MEGF11: variants seen among roughly 807,000 people sequenced by gnomAD.
MEGF11 encodes the protein multiple EGF like domains 11, also known as multiple epidermal growth factor-like domains protein 11.
MEGF11 carries 126 observed loss-of-function variants against 146.6 expected under a neutral mutation model. That is an observed-to-expected ratio of 0.86 (90% CI 0.74 to 1.00). The LOEUF (loss-of-function observed/expected upper bound fraction) is 1.00, where lower values mean the gene tolerates loss of function less well. Among genes scored for constraint, MEGF11 ranks in the 50% least tolerant of loss-of-function variants. The pLI is 0.00. For missense variants in MEGF11, 1,509 were observed against 1,521.2 expected (o/e 0.99, Z 0.13); for synonymous variants, 532 against 583.4 (o/e 0.91, Z 1.27).
At chr15:66,225,725 C>T (rs183999797) in intron 1 of MEGF11, among the ~76,000 whole-genome samples, 30 of 152,298 alleles carry the variant, frequency 2.0e-4, no homozygotes, top group Admixed American at 3.9e-4. Flanking sequence ...CACACACACA[C>T]GCACACTATC....
intron 1 of MEGF11, among the ~76,000 whole-genome samples, chr15:66,222,102 C>T (rs1366328042): frequency 1.3e-5 from 2 of 152,116 alleles, no homozygotes; most frequent in Non-Finnish European, 2.9e-5. Context: ...AGGACCCACC[C>T]GGTACCACAG....
intron 2 of MEGF11, among the ~76,000 whole-genome samples, chr15:66,127,616 G>A (rs532289217): frequency 7.2e-5 from 11 of 152,292 alleles, no homozygotes; most frequent in South Asian, 4.1e-4. Flanking sequence ...AATCAATTCC[G>A]GGGTTTAATT....
chr15:66,189,483 A>G (rs1270266347), intron 1 of MEGF11, among the ~76,000 whole-genome samples: 2 of 152,184 alleles, frequency 1.3e-5, no homozygotes, highest in African/African-American at 2.4e-5. Context: ...TTGAGGCCCA[A>G]GGTCACACAG....
At chr15:66,033,462 G>A (rs28858762) in intron 5 of MEGF11, among the ~76,000 whole-genome samples, 2,717 of 152,344 alleles carry the variant, frequency 0.018, 68 homozygotes, top group African/African-American at 0.059. Flanking sequence ...GCAGGCCCAG[G>A]TGCAGCTTTG....
chr15:66,054,847 C>CGAAGGAAAGAGAGGGAGGGATAGT (rs2084614462), intron 5 of MEGF11, among the ~76,000 whole-genome samples: 1 of 150,428 alleles, frequency 6.6e-6, no homozygotes, highest in Non-Finnish European at 1.5e-5. Flanking sequence ...AAGGTGGAAA[C>CGAAGGAAAGAGAGGGAGGGATAGT]GAAGGAAAGA....
chr15:66,017,270 T>A (rs1175416655), intron 5 of MEGF11, among the ~76,000 whole-genome samples: 3 of 152,182 alleles, frequency 2.0e-5, no homozygotes, highest in African/African-American at 7.2e-5. Context: ...CTCAGGGAAC[T>A]GCTGGTGCCC....
intron 1 of MEGF11, among the ~76,000 whole-genome samples, chr15:66,202,968 G>A (rs965312406): frequency 1.3e-5 from 2 of 152,144 alleles, no homozygotes. Flanking sequence ...GCTGTAAGAC[G>A]GGTGCTATTC....
chr15:66,134,708 AGC>A (rs2088811658), intron 1 of MEGF11, among the ~76,000 whole-genome samples: 2 of 152,252 alleles, frequency 1.3e-5, no homozygotes, highest in African/African-American at 4.8e-5. Context: ...ACAGGGGCCC[AGC>A]GGGGAGAAGG....
Position 65,904,447 on chromosome 15 carries a change from G to C in MEGF11, c.3055+1638C>G, listed in dbSNP as rs547183076. ...GGGGATGACCTTTTGTCCTCAGACAGTTCTCTTGGGCTGTGTATATCCTAA... is the reference window on the plus strand; with the variant it reads ...GGGGATGACCTTTTGTCCTCAGACACTTCTCTTGGGCTGTGTATATCCTAA... On this transcript the variant is annotated intron_variant, in intron 24 of 25. Coordinates refer to ENST00000395614, the MANE Select transcript of MEGF11 (RefSeq NM_001385028.1). Among the ~76,000 whole-genome samples, 5 of 152,334 alleles carry C rather than the reference G, an allele frequency of 3.3e-5. No individual in the cohort carries two copies. In the South Asian group the frequency reaches 1.0e-3, roughly 32 times the overall value.
chr15:65,916,284 A>G lies in MEGF11; in HGVS notation c.2216-8T>C, dbSNP rs1475216601. On this transcript the variant is annotated splice_polypyrimidine_tract_variant and splice_region_variant and intron_variant, in intron 17 of 25. Transcript: ENST00000395614. ...AAAATGCTGCTGGGCAGCCTAGAGA[A>G]ACAGGATTTCCAGTCACGAGAGTTG... 2 of 1,552,854 alleles carry G rather than the reference A, an allele frequency of 1.3e-6. No individual in the cohort carries two copies. Among genetic ancestry groups the G allele is most frequent in the Non-Finnish European group, 8.7e-7 (1 of 1,147,716 alleles).
chr15:66,196,300 C>T (rs1001651591), intron 1 of MEGF11, among the ~76,000 whole-genome samples: 2 of 152,082 alleles, frequency 1.3e-5, no homozygotes, highest in Admixed American at 6.5e-5. Context: ...GCAAAAACCC[C>T]GTCTTTACTA....
In MEGF11 at chr15:66,005,806, G is replaced by A. The variant is rs115342702; in HGVS notation, c.395-23318C>T. On this transcript the variant is annotated intron_variant, in intron 5 of 25. Transcript: ENST00000395614. ...ATGGTATAAAGTGCTAGCAGGCTGA[G>A]TGTCAGAACCCACACTCTAGCCCTG... Among the ~76,000 whole-genome samples the A allele has an allele frequency of 1.3e-3, 205 of 152,338 alleles. 3 individuals are homozygous for A. The highest frequency in any genetic ancestry group is 4.5e-3 in the African/African-American group (187 of 41,574).
At chr15:66,106,612 A>T (rs1036946459) in intron 4 of MEGF11, among the ~76,000 whole-genome samples, 11 of 152,322 alleles carry the variant, frequency 7.2e-5, no homozygotes, top group Non-Finnish European at 1.5e-4. Flanking sequence ...TCACACAGGC[A>T]GTAGGCAGCA....
chr15:66,191,237 G>T (rs1434139331), intron 1 of MEGF11, among the ~76,000 whole-genome samples: 1 of 152,200 alleles, frequency 6.6e-6, no homozygotes, highest in East Asian at 1.9e-4. Flanking sequence ...GGTGAAGTCT[G>T]AGCTCGGGCT....
At chr15:65,958,920 T>A (rs932281408) in intron 9 of MEGF11, among the ~76,000 whole-genome samples, 7 of 152,204 alleles carry the variant, frequency 4.6e-5, no homozygotes, top group African/African-American at 1.7e-4. Flanking sequence ...AGCCCAGCTC[T>A]GGGGATAAGG....
chr15:66,000,822 C>G (rs537888128), intron 5 of MEGF11, among the ~76,000 whole-genome samples: 7 of 152,174 alleles, frequency 4.6e-5, no homozygotes, highest in Non-Finnish European at 8.8e-5. Flanking sequence ...AGTGGAGAAG[C>G]GAAAGGCCCC....
At chr15:66,193,150 T>C (rs2090924577) in intron 1 of MEGF11, among the ~76,000 whole-genome samples, 1 of 152,252 alleles carries the variant, frequency 6.6e-6, no homozygotes, top group African/African-American at 2.4e-5. Context: ...TTTAACATTT[T>C]GTGAAGACTC....
chr15:65,968,287 C>G lies in MEGF11; in HGVS notation c.899+2266G>C, dbSNP rs9673046. 6.5e-3 allele frequency among the ~76,000 whole-genome samples: 996 copies of G among 152,298 alleles called. 11 individuals are homozygous for G. Among genetic ancestry groups the G allele is most frequent in the African/African-American group, 0.023 (942 of 41,574 alleles). On this transcript the variant is annotated intron_variant, in intron 8 of 25. Transcript: ENST00000395614. ...ATCTGAGTTGCCAGCCCCTGTTCAGCCTGCAAATGGATTTCTCCAGAAGTC... is the reference window on the plus strand; with the variant it reads ...ATCTGAGTTGCCAGCCCCTGTTCAGGCTGCAAATGGATTTCTCCAGAAGTC...
At chr15:66,110,479 A>G (rs1398858590) in intron 4 of MEGF11, among the ~76,000 whole-genome samples, 1 of 152,152 alleles carries the variant, frequency 6.6e-6, no homozygotes, top group Non-Finnish European at 1.5e-5. Context: ...ACGGGCAGCT[A>G]TGCCTTCCTT....
Sources: gnomAD v4.1 joint callset for allele counts (sites outside exome capture counted in the v4.1 genomes callset) on GRCh38, gnomAD v4.1.1 for gene constraint, MANE v1.5 for transcripts, NCBI Gene and HGNC (gene_info 2026-07-23, HGNC 2026-07-21) for gene names.